Variants in PRKDC observed in about 807,000 individuals in gnomAD.
PRKDC encodes the protein DNA-dependent protein kinase catalytic subunit.
In PRKDC, 82 loss-of-function variants were observed where a neutral mutation model predicts 486.9. The observed-to-expected ratio is 0.17, with a 90% CI of 0.14 to 0.20. PRKDC has a LOEUF of 0.20. Among genes scored for constraint, PRKDC ranks in the 10% least tolerant of loss-of-function variants. The pLI, the probability that PRKDC is intolerant of heterozygous loss-of-function variation, is 1.00. For missense variants in PRKDC, 4,504 were observed against 5,038.2 expected (o/e 0.89, Z 3.21); for synonymous variants, 1,895 against 1,837.0 (o/e 1.03, Z -0.81).
chr8:47,821,976 CA>C (rs2154499039), intron 64 of PRKDC, among the ~76,000 whole-genome samples, 184 bp from the exon 65 acceptor site: 1 of 152,254 alleles, frequency 6.6e-6, no homozygotes, highest in East Asian at 1.9e-4. Flanking sequence ...AGGAATCCTA[CA>C]GTACTAAATG....
At position 47,800,939 on chromosome 8, in the gene PRKDC, G is replaced by A. The variant is rs749555019; in HGVS notation, c.9970C>T (p.Arg3324Cys). 2.5e-6 allele frequency: 4 copies of A among 1,613,838 alleles called. No individual in the cohort carries two copies. In the Admixed American group the frequency reaches 5.0e-5, roughly 20 times the overall value. ...SYLSKNILAFRDQNILLGTTY... is the reference protein window; with the variant it reads ...SYLSKNILAFCDQNILLGTTY... Reference sequence around the variant, plus strand: ...GTACCCAAGAGAATGTTCTGGTCACGGAAAGCCAGAATATTTTTGCTTAAG... The same window carrying A: ...GTACCCAAGAGAATGTTCTGGTCACAGAAAGCCAGAATATTTTTGCTTAAG... The change falls in exon 71 of 86, where the codon CGT becomes TGT. Residue 3324 changes from arginine (R) to cysteine (C), a missense_variant. Around this residue, in one of 6 missense-constraint regions of PRKDC, gnomAD observed 1,592 missense variants for 1,724.6 expected, o/e 0.92. Coordinates refer to ENST00000314191, the MANE Select transcript of PRKDC (RefSeq NM_006904.7).
At chr8:47,851,163 G>T (rs768775421) in intron 52 of PRKDC, among the ~76,000 whole-genome samples, 1 of 152,110 alleles carries the variant, frequency 6.6e-6, no homozygotes, top group Non-Finnish European at 1.5e-5. Context: ...CGATAAATCC[G>T]TATCACTTTT....
At chr8:47,885,853 C>T in intron 36 of PRKDC, 91 bp downstream of exon 36, 2 of 1,272,260 alleles carry the variant, frequency 1.6e-6, no homozygotes, top group Non-Finnish European at 2.2e-6. Flanking sequence ...GATCGTGCCA[C>T]TGCACTCCAG....
At chr8:47,814,185 A>C (rs893209674) in intron 68 of PRKDC, among the ~76,000 whole-genome samples, 2 of 152,256 alleles carry the variant, frequency 1.3e-5, no homozygotes, top group African/African-American at 4.8e-5. Flanking sequence ...CATTCATGAT[A>C]AAACAAAACT....
chr8:47,776,712 C>T lies in PRKDC; in HGVS notation c.12182+132G>A, dbSNP rs1041274039. ...AGTCAGCCTCTCTAAGCCCTGCTTT[C>T]CTCCTCAATGAAAGCAGAGAAGTCA... On this transcript the variant is annotated intron_variant, in intron 85 of 85. Coordinates refer to ENST00000314191, the MANE Select transcript of PRKDC (RefSeq NM_006904.7). 4.0e-6 allele frequency: 5 copies of T among 1,258,688 alleles called. No homozygotes were observed. In the Admixed American group the frequency reaches 7.9e-5, roughly 20 times the overall value. The allele number at this position is 1,258,688 out of a possible 1,614,324, so 78.0% of individuals were successfully genotyped here.
rs1413742013 is a variant in PRKDC at position 47,864,724 on chromosome 8, C to T, written c.5403G>A (p.Val1801=). ...CVTQVGLLES[V]YEMFRKDDPR... ...GGTCATCCTTCCTGAACATTTCATA[C>T]ACGCTTTCCAGAAGGCCTACTTGTG... is the stretch of plus-strand genomic sequence containing the variant. The change falls in exon 41 of 86, where the codon GTG becomes GTA. Residue 1801 remains valine, a synonymous_variant. Coordinates refer to ENST00000314191, the MANE Select transcript of PRKDC (RefSeq NM_006904.7). 3 of 1,604,240 alleles carry T rather than the reference C, an allele frequency of 1.9e-6. No individual in the cohort carries two copies. The highest frequency in any genetic ancestry group is 1.1e-5 in the South Asian group (1 of 89,232).
chr8:47,798,191 A>G, intron 73 of PRKDC, 46 bp downstream of exon 73: 1 of 1,575,754 alleles, frequency 6.3e-7, no homozygotes, highest in Non-Finnish European at 8.6e-7. Flanking sequence ...GCGTATCTTT[A>G]AGTTCTGTAA....
intron 55 of PRKDC, 107 bp from the exon 56 acceptor site, chr8:47,839,353 C>T (rs1796571964): frequency 2.5e-6 from 2 of 791,056 alleles, no homozygotes; most frequent in African/African-American, 1.7e-5. Context: ...GCTTGTTTTC[C>T]CATTAGACTT....
rs939328843 is a variant in PRKDC, at chr8:47,839,319, C to A, written c.7455-73G>T. ...GCCCTTTTGTTCAACTACAGTAACA[C>A]CATCTAGAATTCAATTTTAAAAGGC... is the stretch of plus-strand genomic sequence containing the variant. On this transcript the variant is annotated intron_variant, in intron 55 of 85. Coordinates refer to ENST00000314191, the MANE Select transcript of PRKDC (RefSeq NM_006904.7). 7 of 1,015,294 alleles carry A rather than the reference C, an allele frequency of 6.9e-6. No individual in the cohort carries two copies. The African/African-American group carries it at 9.5e-5, about 14-fold the overall frequency. 62.9% of individuals were successfully genotyped at this position (1,015,294 alleles called of 1,614,324 possible).
At chr8:47,791,224 C>T (rs2086876952) in intron 74 of PRKDC, among the ~76,000 whole-genome samples, 1 of 152,180 alleles carries the variant, frequency 6.6e-6, no homozygotes, top group Non-Finnish European at 1.5e-5. Flanking sequence ...TGTCTGTAAT[C>T]CCAGCACTAT....
rs144029426 is a variant in PRKDC, at chr8:47,800,090, G to T, written c.10117-700C>A. On this transcript the variant is annotated intron_variant, in intron 71 of 85. Transcript: ENST00000314191. ...TTCCACATAAGAAAATTGGCTGTGCGTGCCATCCCATTACTGGGTATATAC... is the reference window on the plus strand; with the variant it reads ...TTCCACATAAGAAAATTGGCTGTGCTTGCCATCCCATTACTGGGTATATAC... Among the ~76,000 whole-genome samples, 7 of 152,032 alleles carry T rather than the reference G, an allele frequency of 4.6e-5. No individual in the cohort carries two copies. The East Asian group carries it at 1.4e-3, about 30-fold the overall frequency.
Position 47,953,824 on chromosome 8 carries a change from C to A in PRKDC, c.604G>T (p.Gly202Cys). 6.4e-7 allele frequency: 1 copy of A among 1,571,824 alleles called. No individual in the cohort carries two copies. Among genetic ancestry groups the A allele is most frequent in the East Asian group, 2.3e-5 (1 of 43,530 alleles). Residue 202 changes from glycine (G) to cysteine (C), a missense_variant, in exon 6 of 86, where the codon GGT (glycine) becomes TGT (cysteine). Around this residue, in one of 6 missense-constraint regions of PRKDC, gnomAD observed 1,969 missense variants for 2,068.9 expected, o/e 0.95. Transcript: ENST00000314191. ...CATCATACCTGGGTCTTAAGTTCAC[C>A]CAGAAAAGCGCGGAACAGGTTTTCT... is the stretch of plus-strand genomic sequence containing the variant. ...NAENLFRAFL[G>C]ELKTQMTSAV...
chr8:47,959,577 G>A (rs1416561695), intron 1 of PRKDC, among the ~76,000 whole-genome samples: 7 of 151,962 alleles, frequency 4.6e-5, no homozygotes, highest in African/African-American at 9.7e-5. Context: ...TACTCGGGGG[G>A]CTGAGGCAGG....
intron 80 of PRKDC, 69 bp from the exon 81 acceptor site, chr8:47,779,162 T>A (rs1320699617): frequency 1.2e-5 from 14 of 1,133,308 alleles, no homozygotes; most frequent in Admixed American, 5.4e-5. Context: ...AAGGCAAAGA[T>A]CACCAAGAAT....
intron 83 of PRKDC, among the ~76,000 whole-genome samples, chr8:47,778,117 TG>T (rs1237548239): frequency 6.6e-6 from 1 of 152,208 alleles, no homozygotes; most frequent in Non-Finnish European, 1.5e-5. Context: ...TTGAGAAGGA[TG>T]ATCCAAAACA....
At chr8:47,895,167 G>C (rs1448587165) in intron 30 of PRKDC, among the ~76,000 whole-genome samples, 3 of 152,078 alleles carry the variant, frequency 2.0e-5, no homozygotes, top group Non-Finnish European at 4.4e-5. Context: ...TTCGTGTCCA[G>C]CCCGGACAAC....
chr8:47,944,788 T>C (rs1260781638), intron 7 of PRKDC, among the ~76,000 whole-genome samples: 1 of 152,238 alleles, frequency 6.6e-6, no homozygotes, highest in African/African-American at 2.4e-5. Flanking sequence ...TGTTTGCTTT[T>C]CATTGCAAGG....
intron 40 of PRKDC, among the ~76,000 whole-genome samples, chr8:47,874,308 G>C (rs2089038217): frequency 6.6e-6 from 1 of 151,944 alleles, no homozygotes; most frequent in South Asian, 2.1e-4. Context: ...TGCAAAGAAG[G>C]GATAAATGAG....
At chr8:47,801,232 C>T (rs540133861) in intron 70 of PRKDC, among the ~76,000 whole-genome samples, 7 of 152,128 alleles carry the variant, frequency 4.6e-5, no homozygotes, top group African/African-American at 9.6e-5. Flanking sequence ...CCACCATGCC[C>T]GGCTATTTTT....
Sources: allele counts gnomAD v4.1 joint callset (sites outside exome capture counted in the v4.1 genomes callset), GRCh38; gene constraint gnomAD v4.1.1; regional missense constraint gnomAD v4.1.1; transcripts MANE v1.5; gene names NCBI Gene and HGNC (gene_info 2026-07-23, HGNC 2026-07-21).